KCNK2: variants seen among roughly 807,000 people sequenced by gnomAD.
KCNK2 encodes potassium channel subfamily K member 2.
Under a neutral mutation model 40.5 loss-of-function variants are expected in KCNK2, and 21 were observed. That is an observed-to-expected ratio of 0.52 (90% CI 0.37 to 0.75). The LOEUF is 0.75. Ranked by LOEUF, KCNK2 falls within the 30% of genes least tolerant of loss-of-function variation. KCNK2 has a pLI of 0.00. For synonymous variants in KCNK2, 191 were observed against 202.2 expected (o/e 0.94, Z 0.47); for missense variants, 399 against 531.6 (o/e 0.75, Z 2.45).
upstream of KCNK2, among the ~76,000 whole-genome samples, chr1:215,078,376 C>T (rs186799916): frequency 6.6e-6 from 1 of 152,248 alleles, no homozygotes; most frequent in East Asian, 1.9e-4. Context: ...GAAGAAATGT[C>T]TGAGATTGGG....
intron 1 of KCNK2, among the ~76,000 whole-genome samples, chr1:215,076,680 A>G (rs1300471005): frequency 6.6e-6 from 1 of 152,136 alleles, no homozygotes; most frequent in Non-Finnish European, 1.5e-5. Flanking sequence ...CTTGTGCCAT[A>G]TTCTATTTAT....
intron 2 of KCNK2, among the ~76,000 whole-genome samples, chr1:215,106,983 T>C (rs1660463712): frequency 6.6e-6 from 1 of 152,140 alleles, no homozygotes; most frequent in Middle Eastern, 3.2e-3. Context: ...TTTTGGTTAC[T>C]GTAGCCTTAT....
At chr1:215,023,592 T>G (rs1215746425) in intron 1 of KCNK2, among the ~76,000 whole-genome samples, 1 of 152,254 alleles carries the variant, frequency 6.6e-6, no homozygotes, top group Non-Finnish European at 1.5e-5. Context: ...TGTTATAAAC[T>G]GATTTGGCTT....
At chr1:215,181,241 C>T (rs1008493728) in intron 5 of KCNK2, among the ~76,000 whole-genome samples, 1 of 152,022 alleles carries the variant, frequency 6.6e-6, no homozygotes, top group Non-Finnish European at 1.5e-5. Context: ...ATATGTTTAT[C>T]TCTTACACTT....
intron 5 of KCNK2, among the ~76,000 whole-genome samples, chr1:215,180,483 T>C (rs759361173): frequency 1.7e-4 from 26 of 152,212 alleles, no homozygotes; most frequent in Non-Finnish European, 2.8e-4. Flanking sequence ...TGTGTTTTTG[T>C]GGTAGCAGGT....
chr1:215,085,513 A>G (rs566053602), intron 1 of KCNK2, among the ~76,000 whole-genome samples: 8 of 152,366 alleles, frequency 5.3e-5, no homozygotes, highest in African/African-American at 1.7e-4. Context: ...AGGGAACCAT[A>G]TAAATCCACT....
rs574867084 is a variant in KCNK2 at position 215,189,588 on chromosome 1, C to T, written c.824-5365C>T. 1.7e-3 allele frequency among the ~76,000 whole-genome samples: 258 copies of T among 152,166 alleles called. 1 individual carries two copies. Among genetic ancestry groups the T allele is most frequent in the Middle Eastern group, 6.8e-3 (2 of 294 alleles). On this transcript the variant is annotated intron_variant, in intron 5 of 6. Transcript: ENST00000444842. ...TCTTGAATGCTAAAATTTAAAATCC[C>T]CAAATATAAGTTCAAATGACACCTT... is the stretch of plus-strand genomic sequence containing the variant.
Position 215,125,739 on chromosome 1 carries a change from AATATATATATATATATAT to A in KCNK2, c.475+1011_475+1028del, listed in dbSNP as rs66622204. Among the ~76,000 whole-genome samples, 742 of 124,292 alleles carry A rather than the reference AATATATATATATATATAT, an allele frequency of 6.0e-3. 11 individuals are homozygous for A. Among genetic ancestry groups the A allele is most frequent in the South Asian group, 0.029 (93 of 3,190 alleles). The allele number at this position is 124,292 out of a possible 152,430, so 81.5% of individuals were successfully genotyped here. A position where few individuals can be genotyped will look rare whatever the true frequency, so the allele number is the denominator to read the frequency against. ...GTACCCTAGAACTTGAAGTATAATA[AATATATATATATATATAT>A]ATATATATATATATATATATAAAAT... On this transcript the variant is annotated intron_variant, in intron 3 of 6. Coordinates refer to ENST00000444842, the MANE Select transcript of KCNK2 (RefSeq NM_001017425.3).
At chr1:215,170,473 T>C (rs1663660308) in intron 4 of KCNK2, among the ~76,000 whole-genome samples, 1 of 152,172 alleles carries the variant, frequency 6.6e-6, no homozygotes, top group Admixed American at 6.6e-5. Context: ...GCACCACTGT[T>C]GCAAATAAAT....
chr1:215,220,291 G>A (rs971501037), intron 6 of KCNK2, among the ~76,000 whole-genome samples: 1 of 151,980 alleles, frequency 6.6e-6, no homozygotes, highest in Non-Finnish European at 1.5e-5. Flanking sequence ...TCTGATTCTT[G>A]TTATTCTCAA....
At chr1:215,014,237 C>G (rs974866446) in intron 1 of KCNK2, among the ~76,000 whole-genome samples, 1 of 152,038 alleles carries the variant, frequency 6.6e-6, no homozygotes, top group Non-Finnish European at 1.5e-5. Flanking sequence ...GTTGAGCCAG[C>G]CTTCCATTTC....
intron 1 of KCNK2, among the ~76,000 whole-genome samples, chr1:215,036,760 T>C (rs1657399811): frequency 6.6e-6 from 1 of 151,946 alleles, no homozygotes; most frequent in Non-Finnish European, 1.5e-5. Flanking sequence ...AATTTTCCCT[T>C]GGTATTTCAT....
At chr1:215,130,221 A>G (rs943512308) in intron 3 of KCNK2, among the ~76,000 whole-genome samples, 1 of 152,178 alleles carries the variant, frequency 6.6e-6, no homozygotes, top group Non-Finnish European at 1.5e-5. Context: ...ACTTCATGAA[A>G]GCTCCATAAA....
Position 215,236,045 on chromosome 1 carries a change from A to AATCTATCTATTATCTATCT in KCNK2, c.*910_*911insTATCTATCTATCTATCTAT, listed in dbSNP as rs1553277249. Reference sequence around the variant, plus strand: ...TACATTTTTAAAGGCAGAAGAAGAAAATCTATCTATCTATCTATCTATCTA... The same window carrying AATCTATCTATTATCTATCT: ...TACATTTTTAAAGGCAGAAGAAGAAAATCTATCTATTATCTATCTATCTATCTATCTATCTATCTATCTA... On this transcript the variant is annotated 3_prime_UTR_variant, in exon 7 of 7. Coordinates refer to ENST00000444842, the MANE Select transcript of KCNK2 (RefSeq NM_001017425.3). The AATCTATCTATTATCTATCT allele has an allele frequency of 1.4e-3, 203 of 144,404 alleles. 1 individual carries two copies. The highest frequency in any genetic ancestry group is 4.9e-3 in the African/African-American group (185 of 37,730). 8.9% of individuals were successfully genotyped at this position (144,404 alleles called of 1,614,324 possible).
chr1:215,140,307 T>C (rs1444450712), intron 3 of KCNK2, among the ~76,000 whole-genome samples: 1 of 152,048 alleles, frequency 6.6e-6, no homozygotes, highest in Non-Finnish European at 1.5e-5. Context: ...TCATCCAATG[T>C]GAGATCCAAT....
At chr1:215,210,586 TTTGA>T (rs750544584) in intron 6 of KCNK2, among the ~76,000 whole-genome samples, 7 of 152,158 alleles carry the variant, frequency 4.6e-5, no homozygotes, top group South Asian at 2.1e-4. Flanking sequence ...ATAGACATGG[TTTGA>T]TTGTCTATGA....
chr1:215,207,648 A>G (rs1665374102), intron 6 of KCNK2, among the ~76,000 whole-genome samples: 1 of 152,196 alleles, frequency 6.6e-6, no homozygotes, highest in South Asian at 2.1e-4. Context: ...CACTTTCATA[A>G]TGAAGGAGGT....
In KCNK2 at chr1:215,172,661, A is replaced by G. The variant is rs111994604; in HGVS notation, c.823+478A>G. 2.1e-3 allele frequency among the ~76,000 whole-genome samples: 312 copies of G among 151,968 alleles called. 4 individuals are homozygous for G. Among genetic ancestry groups the G allele is most frequent in the African/African-American group, 7.2e-3 (299 of 41,478 alleles). ...AGGAGCCTTCTATTATTATTTATTTATTTATTTATTTTTGAGATAGAGTCT... is the reference window on the plus strand; with the variant it reads ...AGGAGCCTTCTATTATTATTTATTTGTTTATTTATTTTTGAGATAGAGTCT... On this transcript the variant is annotated intron_variant, in intron 5 of 6. Transcript: ENST00000444842.
chr1:215,086,795 T>A, intron 2 of KCNK2, 117 bp downstream of exon 2: 1 of 847,828 alleles, frequency 1.2e-6, no homozygotes, highest in Non-Finnish European at 1.9e-6. Context: ...CTATCCCACC[T>A]CATTTGCCTT....
Sources: gnomAD v4.1 joint callset for allele counts (sites outside exome capture counted in the v4.1 genomes callset) on GRCh38, gnomAD v4.1.1 for gene constraint, MANE v1.5 for transcripts, NCBI Gene and HGNC (gene_info 2026-07-23, HGNC 2026-07-21) for gene names.